CTNNA2: variants seen among roughly 807,000 people sequenced by gnomAD.
CTNNA2 encodes the protein catenin alpha-2.
In CTNNA2, 42 loss-of-function variants were observed where a neutral mutation model predicts 101.0. The observed-to-expected ratio is 0.42, with a 90% CI of 0.32 to 0.54. The LOEUF is 0.54. CTNNA2 is among the 20% of genes least tolerant of loss of function. The probability of loss-of-function intolerance (pLI) is 0.14; values close to 1 mark genes in which losing one functional copy is unlikely to be tolerated. For synonymous variants in CTNNA2, 450 were observed against 456.4 expected (o/e 0.99, Z 0.18); for missense variants, 871 against 1,223.1 (o/e 0.71, Z 4.29).
intron 4 of CTNNA2, among the ~76,000 whole-genome samples, chr2:79,466,603 A>T (rs1273912580): frequency 6.6e-6 from 1 of 152,224 alleles, no homozygotes; most frequent in Non-Finnish European, 1.5e-5. Context: ...CTGGCCCCTG[A>T]GTAGCCTAAC....
At chr2:80,310,690 T>G (rs114765465) in intron 7 of CTNNA2, among the ~76,000 whole-genome samples, 3,062 of 152,278 alleles carry the variant, frequency 0.02, 87 homozygotes, top group African/African-American at 0.061. Flanking sequence ...ATGGCATGTG[T>G]GTATTTCTCA....
chr2:79,577,648 G>T (rs1201872755), intron 1 of CTNNA2, among the ~76,000 whole-genome samples: 4 of 151,832 alleles, frequency 2.6e-5, no homozygotes, highest in Admixed American at 2.6e-4. Flanking sequence ...AATTACTTTG[G>T]TGCTTTAAAA....
chr2:80,570,280 C>G (rs1694466939), intron 12 of CTNNA2, among the ~76,000 whole-genome samples: 1 of 152,098 alleles, frequency 6.6e-6, no homozygotes, highest in African/African-American at 2.4e-5. Flanking sequence ...AACTCCAGAC[C>G]TCAGGTGATC....
intron 7 of CTNNA2, among the ~76,000 whole-genome samples, chr2:80,309,036 C>G (rs1175864449): frequency 6.6e-6 from 1 of 151,886 alleles, no homozygotes; most frequent in Non-Finnish European, 1.5e-5. Flanking sequence ...TTGCAGTGAG[C>G]CGAGATCACG....
In CTNNA2 at chr2:79,507,897, A is replaced by C. The variant is rs576469045; in HGVS notation, c.-6+2715A>C. Among the ~76,000 whole-genome samples the C allele has an allele frequency of 2.0e-5, 3 of 152,316 alleles. No individual in the cohort carries two copies. The East Asian group carries it at 5.8e-4, about 29-fold the overall frequency. ...TGTATTCACTAAAGAAAAACCTTTA[A>C]ATGCTTTTCACCCAGCACACGCCAA... On this transcript the variant is annotated intron_variant, in intron 5 of 21. Transcript: ENST00000466387.
chr2:80,037,426 G>GTA (rs1485358116), intron 7 of CTNNA2, among the ~76,000 whole-genome samples: 1 of 152,110 alleles, frequency 6.6e-6, no homozygotes. Context: ...CTGCATCATC[G>GTA]TAATAGTTTG....
intron 4 of CTNNA2, among the ~76,000 whole-genome samples, chr2:79,428,198 T>C (rs1445696433): frequency 2.0e-5 from 3 of 152,136 alleles, no homozygotes; most frequent in Non-Finnish European, 4.4e-5. Context: ...TAGCTCCCTT[T>C]GTGTTCCTTG....
chr2:80,174,909 C>T (rs1289510432), intron 7 of CTNNA2, among the ~76,000 whole-genome samples: 2 of 152,296 alleles, frequency 1.3e-5, no homozygotes, highest in East Asian at 3.9e-4. Context: ...GATTTATTAG[C>T]AACCCCTCTG....
At chr2:79,616,913 T>C (rs941336952) in intron 1 of CTNNA2, among the ~76,000 whole-genome samples, 10 of 151,710 alleles carry the variant, frequency 6.6e-5, no homozygotes, top group African/African-American at 2.4e-4. Flanking sequence ...TTCTTTCTTT[T>C]TTTTTCGAGA....
At chr2:80,380,098 A>G (rs947314550) in intron 7 of CTNNA2, among the ~76,000 whole-genome samples, 51 of 131,022 alleles carry the variant, frequency 3.9e-4, no homozygotes, top group South Asian at 2.4e-3. Flanking sequence ...GTGCAGTGGC[A>G]CGATCTCGGC....
At chr2:79,936,570 C>T (rs1311325960) in intron 7 of CTNNA2, among the ~76,000 whole-genome samples, 2 of 150,960 alleles carry the variant, frequency 1.3e-5, no homozygotes, top group African/African-American at 4.9e-5. Flanking sequence ...TAGCATCTTT[C>T]AACCCACCTC....
chr2:79,212,069 C>T (rs1015421585), intron 2 of CTNNA2, among the ~76,000 whole-genome samples: 8 of 152,048 alleles, frequency 5.3e-5, no homozygotes, highest in African/African-American at 1.9e-4. Context: ...TTGGGAGGAC[C>T]CAGAACATCT....
chr2:79,900,045 G>A (rs567049454), intron 6 of CTNNA2, among the ~76,000 whole-genome samples: 83 of 152,086 alleles, frequency 5.5e-4, no homozygotes, highest in Non-Finnish European at 1.0e-3. Flanking sequence ...TAGACACCTC[G>A]GTTAATTTAT....
rs550188348 is a variant in CTNNA2, at chr2:80,369,293, G to A, written c.1057-23918G>A. On this transcript the variant is annotated intron_variant, in intron 7 of 18. Transcript: ENST00000402739. Reference sequence around the variant, plus strand: ...TTCATATATCTAAACGTTTAGAAAGGACACTTAAAAATAAGGCAGGGACTT... The same window carrying A: ...TTCATATATCTAAACGTTTAGAAAGAACACTTAAAAATAAGGCAGGGACTT... Among the ~76,000 whole-genome samples, 22 of 152,156 alleles carry A rather than the reference G, an allele frequency of 1.4e-4. No individual in the cohort carries two copies. The South Asian group carries it at 3.5e-3, about 24-fold the overall frequency.
rs1223850161 is a variant in CTNNA2 at position 80,556,998 on chromosome 2, G to A, written c.1741+1105G>A. 5.3e-5 allele frequency among the ~76,000 whole-genome samples: 8 copies of A among 152,220 alleles called. No individual in the cohort carries two copies. The South Asian group carries it at 1.2e-3, about 24-fold the overall frequency. ...TGGTAGAAATATGTTGCTTTTTATG[G>A]GGAAAAGATTATTTACAAAGAGTTC... On this transcript the variant is annotated intron_variant, in intron 12 of 18. Coordinates refer to ENST00000402739, the MANE Select transcript of CTNNA2 (RefSeq NM_001282597.3).
intron 7 of CTNNA2, among the ~76,000 whole-genome samples, chr2:80,200,804 G>A (rs1157594332): frequency 6.6e-6 from 1 of 151,740 alleles, no homozygotes; most frequent in Non-Finnish European, 1.5e-5. Flanking sequence ...AAAGTGCTGG[G>A]ATTACAGGCA....
chr2:79,590,764 C>G (rs534224642), intron 1 of CTNNA2, among the ~76,000 whole-genome samples: 1 of 152,048 alleles, frequency 6.6e-6, no homozygotes, highest in African/African-American at 2.4e-5. Flanking sequence ...CTTGCAATAC[C>G]AGTAGTTTGC....
At chr2:79,439,819 A>C (rs763485811) in intron 4 of CTNNA2, among the ~76,000 whole-genome samples, 10 of 152,152 alleles carry the variant, frequency 6.6e-5, no homozygotes, top group Non-Finnish European at 1.5e-4. Flanking sequence ...CAAAATTCTG[A>C]AAGTTGGGTG....
chr2:79,776,093 C>T (rs531331954), intron 3 of CTNNA2, among the ~76,000 whole-genome samples: 2 of 152,282 alleles, frequency 1.3e-5, no homozygotes, highest in South Asian at 2.1e-4. Flanking sequence ...TTTATTCAAA[C>T]AGACAGCAAA....
Sources: allele counts gnomAD v4.1 joint callset (sites outside exome capture counted in the v4.1 genomes callset), GRCh38; gene constraint gnomAD v4.1.1; transcripts MANE v1.5; gene names NCBI Gene and HGNC (gene_info 2026-07-23, HGNC 2026-07-21).